Variants in HIVEP3 observed in about 807,000 individuals in gnomAD.
HIVEP3 encodes the protein transcription factor HIVEP3.
A neutral mutation model predicts 152.8 loss-of-function variants in HIVEP3; 49 were observed. The observed-to-expected ratio is 0.32, with a 90% CI of 0.26 to 0.41. The LOEUF (loss-of-function observed/expected upper bound fraction) is 0.41. HIVEP3 is among the 10% of genes least tolerant of loss of function. HIVEP3 has a pLI of 1.00. For missense variants in HIVEP3, 2,790 were observed against 3,103.3 expected, an observed-to-expected ratio of 0.90 and a Z score of 2.40; for synonymous variants, 1,269 against 1,289.0, an observed-to-expected ratio of 0.98 and a Z score of 0.33.
intron 1 of HIVEP3, among the ~76,000 whole-genome samples, chr1:41,729,904 A>G (rs1005441633): frequency 3.3e-5 from 5 of 152,180 alleles, no homozygotes; most frequent in African/African-American, 1.2e-4. Context: ...ACCACTCTGG[A>G]TCCTCACACC....
At chr1:42,033,273 G>C (rs1041957734) in intron 1 of HIVEP3, among the ~76,000 whole-genome samples, 1 of 152,010 alleles carries the variant, frequency 6.6e-6, no homozygotes, top group African/African-American at 2.4e-5. Flanking sequence ...CTCCTCACAT[G>C]GTCCTGCACA....
At chr1:41,715,032 C>G (rs1275624758) in intron 1 of HIVEP3, among the ~76,000 whole-genome samples, 1 of 152,116 alleles carries the variant, frequency 6.6e-6, no homozygotes, top group Non-Finnish European at 1.5e-5. Flanking sequence ...GCTGGCACAC[C>G]CTGGCCCTGA....
chr1:41,766,520 AC>A (rs1648018191), intron 1 of HIVEP3, among the ~76,000 whole-genome samples: 3 of 152,194 alleles, frequency 2.0e-5, no homozygotes. Context: ...AATCCTCACC[AC>A]CACGGTATGA....
chr1:41,601,960 T>C (rs1234149788), intron 3 of HIVEP3, among the ~76,000 whole-genome samples: 1 of 152,228 alleles, frequency 6.6e-6, no homozygotes, highest in African/African-American at 2.4e-5. Flanking sequence ...AAGGGTGTGT[T>C]GAATTTTGTC....
intron 1 of HIVEP3, among the ~76,000 whole-genome samples, chr1:41,720,377 C>T (rs555705222): frequency 1.3e-5 from 2 of 152,306 alleles, no homozygotes; most frequent in Non-Finnish European, 2.9e-5. Flanking sequence ...TTGGACACAT[C>T]GGGAATAGCC....
chr1:41,700,609 C>T (rs12081801), intron 2 of HIVEP3, among the ~76,000 whole-genome samples: 3,752 of 152,284 alleles, frequency 0.025, 160 homozygotes, highest in African/African-American at 0.086. Flanking sequence ...AACAGAGACC[C>T]AGAAAGGAGA....
intron 1 of HIVEP3, among the ~76,000 whole-genome samples, chr1:41,844,160 G>C (rs991814323): frequency 6.6e-6 from 1 of 152,158 alleles, no homozygotes; most frequent in African/African-American, 2.4e-5. Flanking sequence ...AAAAGAAGGA[G>C]ACCCAGCCCC....
chr1:41,905,918 A>G (rs999865262), intron 1 of HIVEP3, among the ~76,000 whole-genome samples: 3 of 152,216 alleles, frequency 2.0e-5, no homozygotes, highest in Non-Finnish European at 4.4e-5. Context: ...AGAGCTGAGG[A>G]GGCACAAAGA....
At chr1:41,810,099 A>G (rs1278023362) in intron 1 of HIVEP3, among the ~76,000 whole-genome samples, 2 of 152,154 alleles carry the variant, frequency 1.3e-5, no homozygotes, top group African/African-American at 4.8e-5. Context: ...GCCACAACAA[A>G]CATTTCAAAG....
chr1:41,938,115 C>A (rs1218604656), intron 1 of HIVEP3, among the ~76,000 whole-genome samples: 1 of 152,120 alleles, frequency 6.6e-6, no homozygotes, highest in Non-Finnish European at 1.5e-5. Flanking sequence ...GCCTGGTTCC[C>A]TCTCATTACT....
At chr1:41,519,032 C>A (rs1025044843) in intron 6 of HIVEP3, among the ~76,000 whole-genome samples, 12 of 152,002 alleles carry the variant, frequency 7.9e-5, no homozygotes, top group Non-Finnish European at 1.8e-4. Flanking sequence ...GAAACCAGGG[C>A]AAATTTAATA....
chr1:41,871,780 A>T (rs1030537963), intron 1 of HIVEP3, among the ~76,000 whole-genome samples: 4 of 152,220 alleles, frequency 2.6e-5, no homozygotes, highest in African/African-American at 9.6e-5. Context: ...ATGAGTTAAC[A>T]GGAACCCGTA....
intron 1 of HIVEP3, among the ~76,000 whole-genome samples, chr1:41,909,723 A>G (rs1311572657): frequency 6.6e-6 from 1 of 152,144 alleles, no homozygotes; most frequent in East Asian, 1.9e-4. Context: ...GTAAGCTTCA[A>G]TAAATTTAAA....
chr1:41,874,818 G>A (rs1644141426), intron 1 of HIVEP3, among the ~76,000 whole-genome samples: 1 of 152,184 alleles, frequency 6.6e-6, no homozygotes, highest in Non-Finnish European at 1.5e-5. Context: ...GCCAGTCCCT[G>A]AGGAAAGGAT....
rs1440372888 is a variant in HIVEP3, at chr1:41,583,097, G to C, written c.1701C>G (p.Ile567Met). Residue 567 changes from isoleucine (I) to methionine (M), a missense_variant, in exon 4 of 9, where the codon ATC becomes ATG. Ile to Met is a conservative substitution (Grantham distance 10). Around this residue, in one of 9 missense-constraint regions of HIVEP3, gnomAD observed 339 missense variants for 327.0 expected, o/e 1.04. Coordinates refer to ENST00000372583, the MANE Select transcript of HIVEP3 (RefSeq NM_024503.5). This position sits in a 1 kb window ranked among gnomAD's most constrained non-coding sequence, Gnocchi z 6.9. ...FRGSYSFDDH[I>M]TDSEALSHSS... Reference sequence around the variant, plus strand: ...TGTGGCTCAGGGCTTCGGAGTCGGTGATATGGTCATCGAAGGAGTAGCTAC... The same window carrying C: ...TGTGGCTCAGGGCTTCGGAGTCGGTCATATGGTCATCGAAGGAGTAGCTAC... 9 of 1,613,700 alleles carry C rather than the reference G, an allele frequency of 5.6e-6. No individual in the cohort carries two copies. The East Asian group carries it at 2.0e-4, about 36-fold the overall frequency.
chr1:41,920,123 T>A (rs1644929079), upstream of HIVEP3, among the ~76,000 whole-genome samples: 1 of 151,974 alleles, frequency 6.6e-6, no homozygotes, highest in Non-Finnish European at 1.5e-5. Context: ...ACACACACAC[T>A]CTCTTCCTTC....
At chr1:41,669,055 T>C (rs1645836633) in intron 2 of HIVEP3, among the ~76,000 whole-genome samples, 1 of 152,132 alleles carries the variant, frequency 6.6e-6, no homozygotes, top group African/African-American at 2.4e-5. Flanking sequence ...CAGTCAGCCA[T>C]GTACCTTCCG....
intron 1 of HIVEP3, among the ~76,000 whole-genome samples, chr1:41,964,277 G>A (rs1645185972): frequency 6.6e-6 from 1 of 152,176 alleles, no homozygotes. Context: ...AGGAAAAGCA[G>A]GCTGGAGCAA....
At chr1:42,000,661 T>A (rs1645421999) in intron 1 of HIVEP3, among the ~76,000 whole-genome samples, 1 of 152,200 alleles carries the variant, frequency 6.6e-6, no homozygotes, top group Non-Finnish European at 1.5e-5. Flanking sequence ...TGCAGATGGA[T>A]GACAGTTCTC....
Sources: gnomAD v4.1 joint callset for allele counts (sites outside exome capture counted in the v4.1 genomes callset) on GRCh38, gnomAD v4.1.1 for gene constraint, gnomAD v4.1.1 regional missense constraint, Gnocchi (gnomAD v3.1) non-coding constraint, MANE v1.5 for transcripts, NCBI Gene and HGNC (gene_info 2026-07-23, HGNC 2026-07-21) for gene names.